The following KAZN variants were observed in gnomAD, a reference collection of about 807,000 sequenced individuals.
KAZN encodes kazrin.
A neutral mutation model predicts 87.4 loss-of-function variants in KAZN; 40 were observed. The observed-to-expected ratio is 0.46, with a 90% CI of 0.36 to 0.60. The LOEUF is 0.60. Among genes scored for constraint, KAZN ranks in the 20% least tolerant of loss-of-function variants. KAZN has a pLI of 0.00. For missense variants in KAZN, 898 were observed against 1,073.9 expected (o/e 0.84, Z 2.29); for synonymous variants, 466 against 458.3 (o/e 1.02, Z -0.22).
At chr1:14,301,308 T>A (rs1322348081) in intron 2 of KAZN, among the ~76,000 whole-genome samples, 2 of 152,250 alleles carry the variant, frequency 1.3e-5, no homozygotes, top group Non-Finnish European at 2.9e-5. Context: ...TGATCCTGAC[T>A]GTTCTCTGGC....
chr1:13,932,258 AT>A (rs1553175095), intron 1 of KAZN, among the ~76,000 whole-genome samples: 1,442 of 43,066 alleles, frequency 0.033, 50 homozygotes, highest in African/African-American at 0.11. Flanking sequence ...CTTATTAAAC[AT>A]TTTTTTTTTT....
At chr1:14,582,017 CA>C (rs1675587186) in intron 2 of KAZN, among the ~76,000 whole-genome samples, 1 of 152,024 alleles carries the variant, frequency 6.6e-6, no homozygotes, top group Non-Finnish European at 1.5e-5. Context: ...ATGTAAGCTC[CA>C]AAAGGGCAGG....
chr1:14,471,559 T>C (rs1668454809), intron 2 of KAZN, among the ~76,000 whole-genome samples: 1 of 152,136 alleles, frequency 6.6e-6, no homozygotes, highest in Non-Finnish European at 1.5e-5. Context: ...GGCGTGACAA[T>C]GCTGAACTGA....
intron 1 of KAZN, among the ~76,000 whole-genome samples, chr1:14,895,999 T>C (rs909428524): frequency 6.6e-6 from 1 of 150,430 alleles, no homozygotes; most frequent in Non-Finnish European, 1.5e-5. Flanking sequence ...GAAGTAAAGA[T>C]ATTCCAGGAC....
At chr1:14,050,415 TCA>T (rs1642278714) in intron 1 of KAZN, among the ~76,000 whole-genome samples, 1 of 152,148 alleles carries the variant, frequency 6.6e-6, no homozygotes, top group African/African-American at 2.4e-5. Context: ...TTTAATTGAC[TCA>T]CAGTTCCGCA....
At chr1:14,342,411 C>T (rs145232150) in intron 2 of KAZN, among the ~76,000 whole-genome samples, 12 of 152,292 alleles carry the variant, frequency 7.9e-5, no homozygotes, top group African/African-American at 2.9e-4. Flanking sequence ...GGAACTGCCA[C>T]ACTGTCTTGA....
At chr1:14,495,638 A>G (rs1046324991) in intron 2 of KAZN, among the ~76,000 whole-genome samples, 2 of 152,198 alleles carry the variant, frequency 1.3e-5, no homozygotes, top group Admixed American at 6.5e-5. Context: ...TGATTATATT[A>G]GGATCCCTGT....
chr1:14,180,592 G>A (rs921853393), exon 2 of KAZN: 1 of 1,546,780 alleles, frequency 6.5e-7, no homozygotes, highest in Non-Finnish European at 8.7e-7. Flanking sequence ...TGGATGCTCA[G>A]GTACAAAGAT....
intron 2 of KAZN, among the ~76,000 whole-genome samples, chr1:14,573,514 G>T (rs1338271396): frequency 6.6e-6 from 1 of 152,068 alleles, no homozygotes; most frequent in African/African-American, 2.4e-5. Flanking sequence ...GGGGATGGTG[G>T]TGCACACCTG....
At chr1:14,273,375 C>T (rs1005595320) in intron 2 of KAZN, among the ~76,000 whole-genome samples, 3 of 151,998 alleles carry the variant, frequency 2.0e-5, no homozygotes, top group African/African-American at 7.3e-5. Context: ...TCTCTGGTCT[C>T]CTGGCCCTAA....
At chr1:14,368,266 T>C (rs188587056) in intron 2 of KAZN, among the ~76,000 whole-genome samples, 9 of 152,290 alleles carry the variant, frequency 5.9e-5, no homozygotes, top group African/African-American at 2.2e-4. Flanking sequence ...AAAGCAGTGT[T>C]GTCTTTGGAA....
intron 1 of KAZN, among the ~76,000 whole-genome samples, chr1:14,627,052 C>T (rs1397983202): frequency 1.3e-5 from 2 of 151,826 alleles, no homozygotes; most frequent in Non-Finnish European, 2.9e-5. Context: ...CTGTTGGAGG[C>T]CCTGGGATAA....
At chr1:13,903,508 G>C (rs777342500) in intron 1 of KAZN, among the ~76,000 whole-genome samples, 1 of 152,202 alleles carries the variant, frequency 6.6e-6, no homozygotes, top group Non-Finnish European at 1.5e-5. Flanking sequence ...GAGCCAGTGG[G>C]GGACTCCCAT....
intron 1 of KAZN, among the ~76,000 whole-genome samples, chr1:13,952,704 G>A (rs1641399586): frequency 6.6e-6 from 1 of 152,102 alleles, no homozygotes; most frequent in African/African-American, 2.4e-5. Flanking sequence ...TGTGCACACA[G>A]ACGCATGACA....
At chr1:14,442,864 A>G (rs1352654614) in intron 2 of KAZN, among the ~76,000 whole-genome samples, 2 of 152,248 alleles carry the variant, frequency 1.3e-5, no homozygotes, top group Admixed American at 6.5e-5. Flanking sequence ...TTAGCCCTAC[A>G]GCACCAGCCA....
chr1:15,015,301 C>T lies in KAZN; in HGVS notation c.419-19448C>T, dbSNP rs1252788781. On this transcript the variant is annotated intron_variant, in intron 2 of 14. Transcript: ENST00000376030. ...CTGGGTAGCTGGGATTACAGGCGCCCGCCACCACACCCAGCTAATTTTTGT... is the reference window on the plus strand; with the variant it reads ...CTGGGTAGCTGGGATTACAGGCGCCTGCCACCACACCCAGCTAATTTTTGT... 5.3e-5 allele frequency among the ~76,000 whole-genome samples: 8 copies of T among 152,060 alleles called. No individual in the cohort carries two copies. In the South Asian group the frequency reaches 6.2e-4, roughly 12 times the overall value.
chr1:14,482,329 C>G (rs1190804452), intron 2 of KAZN, among the ~76,000 whole-genome samples: 1 of 152,196 alleles, frequency 6.6e-6, no homozygotes, highest in Non-Finnish European at 1.5e-5. Context: ...AAAGTTATTT[C>G]TTGCAGACAG....
intron 1 of KAZN, among the ~76,000 whole-genome samples, chr1:14,921,612 C>T (rs1472627730): frequency 6.6e-6 from 1 of 152,252 alleles, no homozygotes; most frequent in African/African-American, 2.4e-5. Context: ...GCCACAGTCC[C>T]CACCAGCCTA....
chr1:14,921,524 A>T (rs1658522952), intron 1 of KAZN, among the ~76,000 whole-genome samples: 1 of 152,208 alleles, frequency 6.6e-6, no homozygotes, highest in Non-Finnish European at 1.5e-5. Context: ...AAAAAGTAGA[A>T]CATCTGACAA....
Sources: gnomAD v4.1 joint callset for allele counts (sites outside exome capture counted in the v4.1 genomes callset) on GRCh38, gnomAD v4.1.1 for gene constraint, MANE v1.5 for transcripts, NCBI Gene and HGNC (gene_info 2026-07-23, HGNC 2026-07-21) for gene names.